Variants in HOMER2 observed in about 807,000 individuals in gnomAD.
HOMER2 encodes the protein homer protein homolog 2.
HOMER2 carries 27 observed loss-of-function variants against 47.0 expected under a neutral mutation model. The observed-to-expected ratio is 0.57, with a 90% CI of 0.42 to 0.79. The LOEUF (loss-of-function observed/expected upper bound fraction) is 0.79, where lower values mean the gene tolerates loss of function less well. Among genes scored for constraint, HOMER2 ranks in the 30% least tolerant of loss-of-function variants. The pLI, the probability that HOMER2 is intolerant of heterozygous loss-of-function variation, is 0.00. For synonymous variants in HOMER2, 161 were observed against 163.8 expected (o/e 0.98, Z 0.13); for missense variants, 443 against 435.0 (o/e 1.02, Z -0.16).
chr15:82,935,359 C>T (rs767328275), intron 1 of HOMER2, among the ~76,000 whole-genome samples: 12 of 152,246 alleles, frequency 7.9e-5, no homozygotes, highest in Middle Eastern at 6.8e-3. Flanking sequence ...GGCCACCACA[C>T]CTCACTGGCC....
intron 1 of HOMER2, among the ~76,000 whole-genome samples, chr15:82,905,034 C>T (rs1413554156): frequency 6.6e-6 from 1 of 152,002 alleles, no homozygotes; most frequent in East Asian, 1.9e-4. Flanking sequence ...AAAAAGTAGA[C>T]AGCATGCAAG....
chr15:82,959,353 C>T (rs755423278), intron 1 of HOMER2: 15 of 152,284 alleles, frequency 9.9e-5, no homozygotes, highest in Non-Finnish European at 1.9e-4. Context: ...GTGGCCAAAA[C>T]ATAACACTGC....
intron 4 of HOMER2, among the ~76,000 whole-genome samples, chr15:82,862,056 T>C (rs1477042084): frequency 6.8e-6 from 1 of 147,260 alleles, no homozygotes; most frequent in African/African-American, 2.6e-5. Flanking sequence ...AAAACAAAAA[T>C]AGTCTTTCTC....
chr15:82,843,930 GTTTAT>G lies in HOMER2; in HGVS notation c.*3339_*3343del, dbSNP rs1292012907. The G allele has an allele frequency of 2.0e-5, 3 of 152,146 alleles. No individual in the cohort carries two copies. The East Asian group carries it at 5.8e-4, about 29-fold the overall frequency. The allele number at this position is 152,146 out of a possible 1,614,324, so 9.4% of individuals were successfully genotyped here. ...GAAACCCCAGTGTTTAACACCTAAGGTTTATTTTTTTTATTCATGCTACCCGTCCA... is the reference window on the plus strand; with the variant it reads ...GAAACCCCAGTGTTTAACACCTAAGGTTTTTTTATTCATGCTACCCGTCCA... On this transcript the variant is annotated 3_prime_UTR_variant, in exon 2 of 2. Coordinates refer to the HOMER2 transcript ENST00000558090.
chr15:82,897,540 T>C (rs1392357536), intron 1 of HOMER2, among the ~76,000 whole-genome samples: 1 of 152,318 alleles, frequency 6.6e-6, no homozygotes, highest in Admixed American at 6.5e-5. Context: ...GGGTGAGACC[T>C]GTGACTTGCT....
intron 1 of HOMER2, among the ~76,000 whole-genome samples, chr15:82,982,223 T>C (rs1351882510): frequency 1.3e-5 from 2 of 152,200 alleles, no homozygotes; most frequent in Non-Finnish European, 2.9e-5. Context: ...ATATTCTGGT[T>C]ATACCAGATA....
intron 1 of HOMER2, among the ~76,000 whole-genome samples, chr15:82,896,951 G>T (rs1358631430): frequency 2.0e-5 from 3 of 151,966 alleles, no homozygotes. Context: ...CTTTGAAACT[G>T]CAACAATCCT....
At chr15:82,980,119 C>CAT (rs1479370168) in intron 1 of HOMER2, among the ~76,000 whole-genome samples, 5 of 151,438 alleles carry the variant, frequency 3.3e-5, no homozygotes, top group African/African-American at 1.2e-4. Context: ...TATATATACA[C>CAT]ATATATATAT....
At chr15:82,918,221 C>T (rs1036044328) in intron 1 of HOMER2, among the ~76,000 whole-genome samples, 1 of 152,172 alleles carries the variant, frequency 6.6e-6, no homozygotes, top group African/African-American at 2.4e-5. Context: ...CCCTCCCGGA[C>T]AGCACTCACT....
intron 1 of HOMER2, among the ~76,000 whole-genome samples, chr15:82,927,802 C>G (rs992371375): frequency 1.1e-4 from 17 of 152,150 alleles, no homozygotes; most frequent in South Asian, 2.1e-4. Context: ...AAAACCCCAT[C>G]TCTACTAAAT....
At chr15:82,958,570 T>C (rs2054604842) in exon 2 of HOMER2, 1 of 152,344 alleles carries the variant, frequency 6.6e-6, no homozygotes. Flanking sequence ...TTAGCTTCTC[T>C]GGCAGCAGAT....
At chr15:82,851,483 G>A (rs1442474486) in intron 7 of HOMER2, among the ~76,000 whole-genome samples, 1 of 152,196 alleles carries the variant, frequency 6.6e-6, no homozygotes, top group Non-Finnish European at 1.5e-5. Context: ...TTTATAAGTG[G>A]AGAAAGTGAG....
chr15:82,985,815 T>A (rs982754273), exon 1 of HOMER2: 2 of 152,212 alleles, frequency 1.3e-5, no homozygotes, highest in African/African-American at 2.4e-5. Context: ...GAGAGAAAGG[T>A]GTAGCATCCC....
intron 1 of HOMER2, among the ~76,000 whole-genome samples, chr15:82,984,853 T>C (rs1177773555): frequency 6.6e-6 from 1 of 151,980 alleles, no homozygotes; most frequent in African/African-American, 2.4e-5. Context: ...AAAAGCACAA[T>C]GTTATACACT....
chr15:82,856,537 C>T (rs888974938), intron 5 of HOMER2, among the ~76,000 whole-genome samples: 5 of 151,894 alleles, frequency 3.3e-5, no homozygotes, highest in Non-Finnish European at 2.9e-5. Context: ...GGGGATCAGT[C>T]GAGCCCAGGA....
Position 82,869,078 on chromosome 15 carries a change from C to T in HOMER2, c.295-4819G>A, listed in dbSNP as rs74030803. ...GGTATAAATGCGACCACAGAACTGC[C>T]GCATAGCTGCTCCTCTCGACACACT... On this transcript the variant is annotated intron_variant, in intron 3 of 8. Transcript: ENST00000450735. 2.7e-3 allele frequency among the ~76,000 whole-genome samples: 414 copies of T among 152,302 alleles called. 1 individual carries two copies. Among genetic ancestry groups the T allele is most frequent in the African/African-American group, 9.3e-3 (387 of 41,552 alleles).
At chr15:82,911,371 G>A (rs1323702673) in intron 1 of HOMER2, among the ~76,000 whole-genome samples, 1 of 152,122 alleles carries the variant, frequency 6.6e-6, no homozygotes, top group Non-Finnish European at 1.5e-5. Context: ...CCAGGTAGCA[G>A]CAAGAAGTAC....
chr15:82,935,518 C>A (rs960774512), intron 1 of HOMER2, among the ~76,000 whole-genome samples: 18 of 152,108 alleles, frequency 1.2e-4, no homozygotes, highest in African/African-American at 4.1e-4. Context: ...GACCTCTCGG[C>A]TAAGCCACAG....
At chr15:82,901,337 A>G (rs2053109835) in intron 1 of HOMER2, among the ~76,000 whole-genome samples, 1 of 152,176 alleles carries the variant, frequency 6.6e-6, no homozygotes, top group African/African-American at 2.4e-5. Context: ...TTCTCTGAGG[A>G]CGCAGGATAG....
Sources: gnomAD v4.1 joint callset for allele counts (sites outside exome capture counted in the v4.1 genomes callset) on GRCh38, gnomAD v4.1.1 for gene constraint, MANE v1.5 for transcripts, NCBI Gene and HGNC (gene_info 2026-07-23, HGNC 2026-07-21) for gene names.